Variants in ALG10B observed in about 807,000 individuals in gnomAD.
The protein encoded by ALG10B is ALG10 alpha-1,2-glucosyltransferase B.
A neutral mutation model predicts 38.7 loss-of-function variants in ALG10B; 27 were observed. The ratio of observed to expected loss-of-function variants is 0.70; its 90% CI spans 0.51 to 0.96. The LOEUF (loss-of-function observed/expected upper bound fraction) is 0.96, where lower values mean the gene tolerates loss of function less well. Ranked by LOEUF, ALG10B falls within the 40% of genes least tolerant of loss-of-function variation. ALG10B has a pLI of 0.00. For missense variants in ALG10B, 522 were observed against 542.7 expected, an observed-to-expected ratio of 0.96 and a Z score of 0.38; for synonymous variants, 177 against 193.3, an observed-to-expected ratio of 0.92 and a Z score of 0.70.
chr12:38,318,519 T>G lies in ALG10B; in HGVS notation c.369+61T>G, dbSNP rs2120485364. ...TAGTCAGGTCCACAATTACAATGAA[T>G]TAGTTTTATGAGATTTGGTGAAAAA... On this transcript the variant is annotated intron_variant, in intron 2 of 2. Transcript: ENST00000308742. The G allele has an allele frequency of 6.1e-6, 9 of 1,484,216 alleles. 1 individual carries two copies. In the South Asian group the frequency reaches 9.1e-5, roughly 15 times the overall value. 91.9% of individuals were successfully genotyped at this position (1,484,216 alleles called of 1,614,324 possible). A position where few individuals can be genotyped will look rare whatever the true frequency, so the allele number is the denominator to read the frequency against.
Position 38,326,839 on chromosome 12 carries a change from A to G in ALG10B, c.*5626A>G, listed in dbSNP as rs1945748757. ...CATATATCCATGAGTCAACACTAAT[A>G]TTTAATATTTGAGATTTGAAAAATT... On this transcript the variant is annotated 3_prime_UTR_variant, in exon 3 of 3. Coordinates refer to ENST00000308742, the MANE Select transcript of ALG10B (RefSeq NM_001013620.4). 1 of 151,708 alleles carries G rather than the reference A, an allele frequency of 6.6e-6. No individual in the cohort carries two copies. Among genetic ancestry groups the G allele is most frequent in the African/African-American group, 2.4e-5 (1 of 41,406 alleles). 9.4% of individuals were successfully genotyped at this position (151,708 alleles called of 1,614,324 possible).
At chr12:38,320,134 T>G (rs371028607) in intron 2 of ALG10B, 27 bp from the exon 3 acceptor site, 1 of 1,612,720 alleles carries the variant, frequency 6.2e-7, no homozygotes, top group Non-Finnish European at 8.5e-7. Flanking sequence ...TTAAAATAAT[T>G]GTATCTGTGT....
At position 38,324,828 on chromosome 12, in the gene ALG10B, A is replaced by G. The variant is rs1363973098; in HGVS notation, c.*3615A>G. ...TGAGTAGATAGATATTTTTTCATGA[A>G]TTTTTAAACATTAGACTTAGCTGAA... is the stretch of plus-strand genomic sequence containing the variant. On this transcript the variant is annotated 3_prime_UTR_variant, in exon 3 of 3. Coordinates refer to ENST00000308742, the MANE Select transcript of ALG10B (RefSeq NM_001013620.4). 1 of 152,164 alleles carries G rather than the reference A, an allele frequency of 6.6e-6. No homozygotes were observed. Among genetic ancestry groups the G allele is most frequent in the African/African-American group, 2.4e-5 (1 of 41,438 alleles). The allele number at this position is 152,164 out of a possible 1,614,324, so 9.4% of individuals were successfully genotyped here.
At position 38,323,715 on chromosome 12, in the gene ALG10B, A is replaced by G; in HGVS notation, c.*2502A>G. The G allele has an allele frequency of 3.4e-6, 2 of 590,010 alleles. No homozygotes were observed. The highest frequency in any genetic ancestry group is 4.2e-5 in the South Asian group (2 of 47,798). 36.5% of individuals were successfully genotyped at this position (590,010 alleles called of 1,614,324 possible). On this transcript the variant is annotated 3_prime_UTR_variant, in exon 3 of 3. Transcript: ENST00000308742. ...AAAATAGATCGGCATTAGTTATAAC[A>G]GTGATTGTAGAAAAACGTGTTTTAC...
chr12:38,324,855 T>A lies in ALG10B; in HGVS notation c.*3642T>A, dbSNP rs568213443. ...TTTTAAACATTAGACTTAGCTGAAT[T>A]GATTAAAATTAGGTGATTATGAAAA... On this transcript the variant is annotated 3_prime_UTR_variant, in exon 3 of 3. Coordinates refer to ENST00000308742, the MANE Select transcript of ALG10B (RefSeq NM_001013620.4). The A allele has an allele frequency of 4.6e-5, 7 of 152,310 alleles. No homozygotes were observed. Among genetic ancestry groups the A allele is most frequent in the Admixed American group, 4.6e-4 (7 of 15,304 alleles). 9.4% of individuals were successfully genotyped at this position (152,310 alleles called of 1,614,324 possible).
intron 2 of ALG10B, 23 bp from the exon 3 acceptor site, chr12:38,320,138 T>C: frequency 1.9e-6 from 3 of 1,613,034 alleles, no homozygotes; most frequent in Non-Finnish European, 2.5e-6. Context: ...AATAATTGTA[T>C]CTGTGTTTTT....
rs1945740613 is a variant in ALG10B at position 38,325,983 on chromosome 12, C to T, written c.*4770C>T. ...CCGTGGCTAATTTTAGGAAGTAAAT[C>T]ATGTTTCATAATAAGAGTCATCCTA... On this transcript the variant is annotated 3_prime_UTR_variant, in exon 3 of 3. Coordinates refer to ENST00000308742, the MANE Select transcript of ALG10B (RefSeq NM_001013620.4). The T allele has an allele frequency of 6.6e-6, 1 of 151,944 alleles. No homozygotes were observed. Among genetic ancestry groups the T allele is most frequent in the African/African-American group, 2.4e-5 (1 of 41,392 alleles). The allele number at this position is 151,944 out of a possible 1,614,324, so 9.4% of individuals were successfully genotyped here.
At position 38,317,230 on chromosome 12, in the gene ALG10B, G is replaced by T. The variant is rs1591935473; in HGVS notation, c.171+166G>T. The T allele has an allele frequency of 2.9e-5, 26 of 903,280 alleles. No homozygotes were observed. In the East Asian group the frequency reaches 6.9e-4, roughly 24 times the overall value. 56.0% of individuals were successfully genotyped at this position (903,280 alleles called of 1,614,324 possible). A position where few individuals can be genotyped will look rare whatever the true frequency, so the allele number is the denominator to read the frequency against. ...TTTTGTTCCTGTCTCTGAGATCTGT[G>T]AAATATTTATTAAATGAATGAATAA... On this transcript the variant is annotated intron_variant, in intron 1 of 2. Transcript: ENST00000308742.
rs1329487357 is a variant in ALG10B at position 38,326,194 on chromosome 12, A to G, written c.*4981A>G. The stretch of plus-strand genomic sequence containing the variant: ...GATTTTATTTTATTTTATTTTATTT[A>G]TTATTTTATTTTATTTTATTTTATT... On this transcript the variant is annotated 3_prime_UTR_variant, in exon 3 of 3. Coordinates refer to ENST00000308742, the MANE Select transcript of ALG10B (RefSeq NM_001013620.4). 7.2e-5 allele frequency: 9 copies of G among 125,490 alleles called. No homozygotes were observed. Among genetic ancestry groups the G allele is most frequent in the African/African-American group, 1.6e-4 (6 of 37,848 alleles). 7.8% of individuals were successfully genotyped at this position (125,490 alleles called of 1,614,324 possible). A position where few individuals can be genotyped will look rare whatever the true frequency, so the allele number is the denominator to read the frequency against.
At position 38,320,349 on chromosome 12, in the gene ALG10B, G is replaced by A. The variant is rs1202843369; in HGVS notation, c.558G>A (p.Arg186=). The A allele has an allele frequency of 5.0e-6, 8 of 1,613,858 alleles. No individual in the cohort carries two copies. Among genetic ancestry groups the A allele is most frequent in the Admixed American group, 1.7e-5 (1 of 59,980 alleles). ...AFLGFCGFMF[R]QTNIIWAVFC... ...TTGGATTTTGTGGCTTCATGTTTCG[G>A]CAAACAAATATCATCTGGGCTGTCT... The change falls in exon 3 of 3, where the codon CGG becomes CGA. Residue 186 remains arginine (R), a synonymous_variant. Transcript: ENST00000308742.
At chr12:38,320,013 G>A (rs1945687180) in intron 2 of ALG10B, 148 bp from the exon 3 acceptor site, 1 of 1,057,140 alleles carries the variant, frequency 9.5e-7, no homozygotes, top group East Asian at 2.6e-5. Flanking sequence ...TTGTGTTTTT[G>A]CAAAGCCAGA....
At chr12:38,318,484 A>G in intron 2 of ALG10B, 26 bp downstream of exon 2, 2 of 1,598,652 alleles carry the variant, frequency 1.3e-6, no homozygotes, top group African/African-American at 2.7e-5. Context: ...CTTAATTACA[A>G]GTTTATGTGT....
Position 38,317,067 on chromosome 12 carries a change from G to T in ALG10B, c.171+3G>T. On this transcript the variant is annotated splice_donor_region_variant and intron_variant, in intron 1 of 2. Coordinates refer to ENST00000308742, the MANE Select transcript of ALG10B (RefSeq NM_001013620.4). ...AGGGCCATTTCTCCCTTTCCCAGGTGGGGTGCCCAACCTGTCCCCACCCCA... is the reference window on the plus strand; with the variant it reads ...AGGGCCATTTCTCCCTTTCCCAGGTTGGGTGCCCAACCTGTCCCCACCCCA... 1.2e-6 allele frequency: 2 copies of T among 1,614,084 alleles called. No individual in the cohort carries two copies. The highest frequency in any genetic ancestry group is 1.7e-6 in the Non-Finnish European group (2 of 1,180,030).
intron 2 of ALG10B, among the ~76,000 whole-genome samples, chr12:38,318,773 C>T (rs1230350350): frequency 6.6e-6 from 1 of 152,132 alleles, no homozygotes. Flanking sequence ...CAGTCTTTTT[C>T]TTGTAAAACG....
rs1945716406 is a variant in ALG10B at position 38,323,074 on chromosome 12, G to C, written c.*1861G>C. The C allele has an allele frequency of 6.6e-6, 1 of 152,180 alleles. No individual in the cohort carries two copies. Among genetic ancestry groups the C allele is most frequent in the Admixed American group, 6.5e-5 (1 of 15,284 alleles). The allele number at this position is 152,180 out of a possible 1,614,324, so 9.4% of individuals were successfully genotyped here. A position where few individuals can be genotyped will look rare whatever the true frequency, so the allele number is the denominator to read the frequency against. ...GTGACTTGTCTGCAATGAACATAGAGTGCAGACTTCTCTTTGACATACGGA... is the reference window on the plus strand; with the variant it reads ...GTGACTTGTCTGCAATGAACATAGACTGCAGACTTCTCTTTGACATACGGA... On this transcript the variant is annotated 3_prime_UTR_variant, in exon 3 of 3. Transcript: ENST00000308742.
rs1482120550 is a variant in ALG10B at position 38,326,751 on chromosome 12, A to G, written c.*5538A>G. ...AATGTTGACAACTGACGTTTCCAAT[A>G]TACAAAAACTTGTGTAACTGAGAAA... On this transcript the variant is annotated 3_prime_UTR_variant, in exon 3 of 3. Transcript: ENST00000308742. The G allele has an allele frequency of 3.3e-5, 5 of 151,780 alleles. No homozygotes were observed. 9.4% of individuals were successfully genotyped at this position (151,780 alleles called of 1,614,324 possible). A position where few individuals can be genotyped will look rare whatever the true frequency, so the allele number is the denominator to read the frequency against.
At chr12:38,318,593 T>A in intron 2 of ALG10B, 135 bp downstream of exon 2, 1 of 1,032,932 alleles carries the variant, frequency 9.7e-7, no homozygotes, top group Admixed American at 2.4e-5. Flanking sequence ...TATGTAAAGG[T>A]AAATTTAAAT....
In ALG10B at chr12:38,322,333, G is replaced by A. The variant is rs1030384347; in HGVS notation, c.*1120G>A. 1 of 152,126 alleles carries A rather than the reference G, an allele frequency of 6.6e-6. No homozygotes were observed. The highest frequency in any genetic ancestry group is 1.5e-5 in the Non-Finnish European group (1 of 68,024). 9.4% of individuals were successfully genotyped at this position (152,126 alleles called of 1,614,324 possible). A position where few individuals can be genotyped will look rare whatever the true frequency, so the allele number is the denominator to read the frequency against. ...GGAGACCCTTAATTATGTTTACAAA[G>A]ACCCATGTTCCAAGTAAGTTTGTAT... is the stretch of plus-strand genomic sequence containing the variant. On this transcript the variant is annotated 3_prime_UTR_variant, in exon 3 of 3. Transcript: ENST00000308742.
In ALG10B at chr12:38,323,998, G is replaced by C; in HGVS notation, c.*2785G>C. On this transcript the variant is annotated 3_prime_UTR_variant, in exon 3 of 3. Transcript: ENST00000308742. ...TTCTACCCTGTAATTAAAGAAGACT[G>C]CTCTTTGGAGGGATCACTGTTCTAT... 1 of 691,162 alleles carries C rather than the reference G, an allele frequency of 1.4e-6. No homozygotes were observed. The allele number at this position is 691,162 out of a possible 1,614,324, so 42.8% of individuals were successfully genotyped here. A position where few individuals can be genotyped will look rare whatever the true frequency, so the allele number is the denominator to read the frequency against.
Sources: allele counts gnomAD v4.1 joint callset (sites outside exome capture counted in the v4.1 genomes callset), GRCh38; gene constraint gnomAD v4.1.1; transcripts MANE v1.5; gene names NCBI Gene and HGNC (gene_info 2026-07-23, HGNC 2026-07-21).